Variants in MAP3K5 observed in about 807,000 individuals in gnomAD.
The protein encoded by MAP3K5 is mitogen-activated protein kinase kinase kinase 5.
In MAP3K5, 56 loss-of-function variants were observed where a neutral mutation model predicts 158.7. The observed-to-expected ratio is 0.35, with a 90% CI of 0.28 to 0.44. The LOEUF is 0.44. Ranked by LOEUF, MAP3K5 falls within the 20% of genes least tolerant of loss-of-function variation. MAP3K5 has a pLI of 1.00. For missense variants in MAP3K5, 1,294 were observed against 1,674.8 expected (o/e 0.77, Z 3.97); for synonymous variants, 579 against 601.7 (o/e 0.96, Z 0.55).
At chr6:136,637,273 ATAGT>A (rs2129105786) in intron 14 of MAP3K5, 48 bp downstream of exon 14, 1 of 1,432,884 alleles carries the variant, frequency 7.0e-7, no homozygotes. Flanking sequence ...AAGGCTTCAA[ATAGT>A]TTGTTTTAAA....
chr6:136,719,169 C>T (rs1488489700), intron 2 of MAP3K5, among the ~76,000 whole-genome samples: 1 of 152,060 alleles, frequency 6.6e-6, no homozygotes, highest in Non-Finnish European at 1.5e-5. Flanking sequence ...GAGCGAGATC[C>T]TGTCTAAATA....
chr6:136,789,675 C>CTTTT (rs57162918), intron 1 of MAP3K5, among the ~76,000 whole-genome samples: 1 of 78,754 alleles, frequency 1.3e-5, no homozygotes, highest in East Asian at 3.8e-4. Context: ...AGCACAACCT[C>CTTTT]TTTTTTTTTT....
intron 21 of MAP3K5, among the ~76,000 whole-genome samples, chr6:136,600,323 C>T (rs769746610): frequency 3.3e-5 from 5 of 151,652 alleles, no homozygotes; most frequent in Non-Finnish European, 7.4e-5. Context: ...TCCCTAGTAG[C>T]TGGGACCATA....
intron 1 of MAP3K5, among the ~76,000 whole-genome samples, chr6:136,786,105 G>A (rs1708510098): frequency 6.6e-6 from 1 of 152,150 alleles, no homozygotes; most frequent in Non-Finnish European, 1.5e-5. Flanking sequence ...TGGGCGCGGT[G>A]GCTCACGCCT....
chr6:136,687,165 T>C (rs1438580193), intron 7 of MAP3K5, among the ~76,000 whole-genome samples: 1 of 152,104 alleles, frequency 6.6e-6, no homozygotes, highest in Non-Finnish European at 1.5e-5. Context: ...CAAAAACAAG[T>C]AACGGGGAAA....
chr6:136,634,889 C>CT (rs58485489), intron 14 of MAP3K5, among the ~76,000 whole-genome samples: 5,133 of 142,370 alleles, frequency 0.036, 299 homozygotes, highest in African/African-American at 0.12. Context: ...CTTTTCTTCT[C>CT]TTTTTTTTTT....
chr6:136,613,243 A>G lies in MAP3K5; in HGVS notation c.2292T>C (p.Ala764=), dbSNP rs1776419952. Residue 764 remains alanine, a synonymous_variant, in exon 17 of 30, where the codon GCT becomes GCC. Transcript: ENST00000359015. This position sits in a 1 kb window ranked among gnomAD's most constrained non-coding sequence, Gnocchi z 4.0. Reference sequence around the variant, plus strand: ...ATGGACCCCATTTGGAACGAAGGAGAGCAGAAAGACTTCCTGTAAAGTAGG... The same window carrying G: ...ATGGACCCCATTTGGAACGAAGGAGGGCAGAAAGACTTCCTGTAAAGTAGG... ...MEQVPGGSLS[A]LLRSKWGPLK... is the part of the protein sequence containing the mutation. 2 of 1,613,070 alleles carry G rather than the reference A, an allele frequency of 1.2e-6. No individual in the cohort carries two copies. The highest frequency in any genetic ancestry group is 1.7e-6 in the Non-Finnish European group (2 of 1,179,572).
intron 2 of MAP3K5, among the ~76,000 whole-genome samples, chr6:136,707,871 CCCAAACAAACAATGAAGAA>C (rs1781146966): frequency 6.6e-6 from 1 of 152,140 alleles, no homozygotes; most frequent in South Asian, 2.1e-4. Flanking sequence ...ATACATTACA[CCCAAACAAACAATGAAGAA>C]CCAAACAAAC....
At position 136,609,809 on chromosome 6, in the gene MAP3K5, A is replaced by C. The variant is rs896750511; in HGVS notation, c.2521+1473T>G. The stretch of plus-strand genomic sequence containing the variant: ...GAACCCATCTCAAAAGAAAAAACAA[A>C]AACAAAAAAACAGTTTTGCCAGGCA... On this transcript the variant is annotated intron_variant, in intron 18 of 29. Transcript: ENST00000359015. This position sits in a 1 kb window ranked among gnomAD's most constrained non-coding sequence, Gnocchi z 4.4. Among the ~76,000 whole-genome samples, 2 of 150,906 alleles carry C rather than the reference A, an allele frequency of 1.3e-5. No homozygotes were observed. Among genetic ancestry groups the C allele is most frequent in the Non-Finnish European group, 3.0e-5 (2 of 67,784 alleles).
At chr6:136,745,582 C>T (rs1045776359) in intron 1 of MAP3K5, among the ~76,000 whole-genome samples, 1 of 152,108 alleles carries the variant, frequency 6.6e-6, no homozygotes, top group African/African-American at 2.4e-5. Context: ...ACCTACCATC[C>T]TGCCCATGAA....
At chr6:136,748,466 T>C (rs1048276424) in intron 1 of MAP3K5, among the ~76,000 whole-genome samples, 4 of 152,122 alleles carry the variant, frequency 2.6e-5, no homozygotes, top group Non-Finnish European at 5.9e-5. Flanking sequence ...TGTCTATATA[T>C]GTATGCTCAC....
intron 14 of MAP3K5, among the ~76,000 whole-genome samples, chr6:136,629,752 C>A (rs1345623302): frequency 2.0e-5 from 3 of 148,142 alleles, no homozygotes; most frequent in African/African-American, 7.5e-5. Context: ...TGGCGCCCGG[C>A]CATATCTCAC....
intron 7 of MAP3K5, among the ~76,000 whole-genome samples, chr6:136,672,481 T>C (rs1779524032): frequency 6.6e-6 from 1 of 152,188 alleles, no homozygotes; most frequent in South Asian, 2.1e-4. Flanking sequence ...AGTGGATTTC[T>C]TGACAATTGC....
At chr6:136,737,214 G>A (rs923453932) in intron 1 of MAP3K5, among the ~76,000 whole-genome samples, 1 of 147,622 alleles carries the variant, frequency 6.8e-6, no homozygotes, top group Non-Finnish European at 1.5e-5. Flanking sequence ...ATAAAAATAG[G>A]AATAGACACT....
intron 14 of MAP3K5, among the ~76,000 whole-genome samples, chr6:136,634,756 A>G (rs1325072229): frequency 6.6e-6 from 1 of 151,596 alleles, no homozygotes; most frequent in East Asian, 2.0e-4. Context: ...AAGTAGAGAC[A>G]GGGTTTCACC....
chr6:136,676,903 T>A (rs1468486170), intron 7 of MAP3K5, among the ~76,000 whole-genome samples: 1 of 151,284 alleles, frequency 6.6e-6, no homozygotes, highest in Non-Finnish European at 1.5e-5. Context: ...GTGATTCTCC[T>A]GCCTCAGCCT....
intron 12 of MAP3K5, 41 bp from the exon 13 acceptor site, chr6:136,639,679 C>T (rs1340018511): frequency 2.1e-6 from 2 of 958,748 alleles, no homozygotes; most frequent in Non-Finnish European, 1.6e-6. Context: ...AGAGAACTAT[C>T]AATTCTTCTA....
intron 10 of MAP3K5, among the ~76,000 whole-genome samples, chr6:136,653,476 C>T (rs560515072): frequency 6.5e-4 from 99 of 152,264 alleles, no homozygotes; most frequent in African/African-American, 2.2e-3. Flanking sequence ...GTGTGAGCCA[C>T]GGAAGATGCT....
intron 11 of MAP3K5, among the ~76,000 whole-genome samples, chr6:136,649,637 C>T (rs1304653350): frequency 3.9e-5 from 6 of 152,156 alleles, no homozygotes; most frequent in Non-Finnish European, 8.8e-5. Context: ...ATGATTACTC[C>T]CATGCCATTT....
Sources: gnomAD v4.1 joint callset for allele counts (sites outside exome capture counted in the v4.1 genomes callset) on GRCh38, gnomAD v4.1.1 for gene constraint, Gnocchi (gnomAD v3.1) non-coding constraint, MANE v1.5 for transcripts, NCBI Gene and HGNC (gene_info 2026-07-23, HGNC 2026-07-21) for gene names.